The following PISD variants were observed in gnomAD, a reference collection of about 807,000 sequenced individuals.
PISD encodes the protein phosphatidylserine decarboxylase.
PISD carries 31 observed loss-of-function variants against 43.5 expected under a neutral mutation model. The observed-to-expected ratio is 0.71, with a 90% CI of 0.54 to 0.96. The LOEUF (loss-of-function observed/expected upper bound fraction) is 0.96, where lower values mean the gene tolerates loss of function less well. Ranked by LOEUF, PISD falls within the 40% of genes least tolerant of loss-of-function variation. The pLI is 0.00. For missense variants in PISD, 523 were observed against 548.4 expected (o/e 0.95, Z 0.46); for synonymous variants, 259 against 228.7 (o/e 1.13, Z -1.20).
intron 3 of PISD, among the ~76,000 whole-genome samples, chr22:31,644,237 T>G (rs2073819058): frequency 1.3e-5 from 2 of 149,848 alleles, no homozygotes; most frequent in South Asian, 2.1e-4. Context: ...AATTCATAAT[T>G]TTTTCTTTTT....
In PISD at chr22:31,628,869, T is replaced by A. The variant is rs970774080; in HGVS notation, c.322-6984A>T. On this transcript the variant is annotated intron_variant, in intron 3 of 7. Coordinates refer to ENST00000439502, the MANE Select transcript of PISD (RefSeq NM_001326411.2). ...ACACCTCACCTCTCTTTCCAAAAAG[T>A]CAACCTCACACTCCGGTGGGGGCAG... 1.1e-5 allele frequency: 11 copies of A among 985,186 alleles called. No homozygotes were observed. The African/African-American group carries it at 1.7e-4, about 16-fold the overall frequency. 61.0% of individuals were successfully genotyped at this position (985,186 alleles called of 1,614,324 possible). A position where few individuals can be genotyped will look rare whatever the true frequency, so the allele number is the denominator to read the frequency against.
At chr22:31,648,371 G>A (rs915132552) in intron 2 of PISD, 95 bp from the exon 3 acceptor site, 2 of 1,094,056 alleles carry the variant, frequency 1.8e-6, no homozygotes, top group African/African-American at 3.1e-5. Flanking sequence ...GGAAAAGTCA[G>A]CGCACCTCAG....
At chr22:31,640,353 A>G (rs1015640590) in intron 3 of PISD, among the ~76,000 whole-genome samples, 44 of 151,674 alleles carry the variant, frequency 2.9e-4, no homozygotes, top group Non-Finnish European at 2.7e-4. Context: ...CCATGCCACC[A>G]CACCGGTTGA....
intron 3 of PISD, among the ~76,000 whole-genome samples, chr22:31,634,891 G>A (rs2147717776): frequency 6.6e-6 from 1 of 151,354 alleles, no homozygotes. Flanking sequence ...TTTAGGCCTG[G>A]CACGGTGACT....
At chr22:31,650,582 G>A (rs1352557895) in intron 2 of PISD, 117 bp downstream of exon 2, 2 of 573,190 alleles carry the variant, frequency 3.5e-6, no homozygotes, top group Admixed American at 6.9e-5. Flanking sequence ...CTGCATGCCA[G>A]GTACTTTCCA....
intron 3 of PISD, among the ~76,000 whole-genome samples, 158 bp downstream of exon 3, chr22:31,647,943 A>T (rs565895875): frequency 6.6e-6 from 1 of 152,336 alleles, no homozygotes; most frequent in Non-Finnish European, 1.5e-5. Context: ...ACTTGACACC[A>T]AAGTTATAAC....
chr22:31,652,789 G>A (rs1601444011), intron 1 of PISD, among the ~76,000 whole-genome samples: 1 of 148,816 alleles, frequency 6.7e-6, no homozygotes, highest in Non-Finnish European at 1.5e-5. Context: ...CTATAATCCT[G>A]GCACTGTGGG....
rs554936958 is a variant in PISD at position 31,629,199 on chromosome 22, C to T, written c.322-7314G>A. The T allele has an allele frequency of 2.0e-4, 196 of 985,326 alleles. No individual in the cohort carries two copies. The African/African-American group carries it at 3.2e-3, about 16-fold the overall frequency. The allele number at this position is 985,326 out of a possible 1,614,324, so 61.0% of individuals were successfully genotyped here. A position where few individuals can be genotyped will look rare whatever the true frequency, so the allele number is the denominator to read the frequency against. ...ACCCCAGGCCAGGCAGCAGTTACTA[C>T]AGGTTGGGTTGGGGCCTGCAAGATT... On this transcript the variant is annotated intron_variant, in intron 3 of 7. Coordinates refer to ENST00000439502, the MANE Select transcript of PISD (RefSeq NM_001326411.2).
intron 3 of PISD, among the ~76,000 whole-genome samples, chr22:31,635,594 G>T (rs190074801): frequency 6.6e-6 from 1 of 152,154 alleles, no homozygotes; most frequent in Non-Finnish European, 1.5e-5. Context: ...ACCATGCCCC[G>T]CTGAGTTCCA....
At chr22:31,655,076 C>CAA (rs1038608958) in intron 1 of PISD, among the ~76,000 whole-genome samples, 1,119 of 56,936 alleles carry the variant, frequency 0.02, 16 homozygotes, top group African/African-American at 0.037. Context: ...ACTCTATCTC[C>CAA]AAAAAAAAAA....
intron 3 of PISD, among the ~76,000 whole-genome samples, chr22:31,640,256 T>A (rs1167583280): frequency 6.6e-6 from 1 of 150,604 alleles, no homozygotes; most frequent in Non-Finnish European, 1.5e-5. Context: ...TGGAGTGCAG[T>A]GGCACAATCT....
rs547314330 is a variant in PISD, at chr22:31,619,301, C to G, written c.*311G>C. ...AACCGAGACCAACTGAAGGTTCGGT[C>G]AGGAATGCAGGCTCTTCCGTCTATA... On this transcript the variant is annotated 3_prime_UTR_variant, in exon 8 of 8. Coordinates refer to ENST00000439502, the MANE Select transcript of PISD (RefSeq NM_001326411.2). 2 of 363,896 alleles carry G rather than the reference C, an allele frequency of 5.5e-6. No individual in the cohort carries two copies. The highest frequency in any genetic ancestry group is 1.1e-5 in the Non-Finnish European group (2 of 189,642). The allele number at this position is 363,896 out of a possible 1,614,324, so 22.5% of individuals were successfully genotyped here. A position where few individuals can be genotyped will look rare whatever the true frequency, so the allele number is the denominator to read the frequency against.
intron 3 of PISD, chr22:31,626,049 C>A: frequency 7.0e-7 from 1 of 1,423,168 alleles, no homozygotes; most frequent in Non-Finnish European, 9.2e-7. Flanking sequence ...GGTCACACAC[C>A]TGCTCAGGTC....
chr22:31,640,976 C>T (rs897606355), intron 3 of PISD, among the ~76,000 whole-genome samples: 14 of 144,142 alleles, frequency 9.7e-5, no homozygotes, highest in Admixed American at 9.6e-4. Flanking sequence ...CAACCTCCAC[C>T]TCCTGGGTTC....
chr22:31,645,264 T>C (rs2073850155), intron 3 of PISD, among the ~76,000 whole-genome samples: 1 of 151,898 alleles, frequency 6.6e-6, no homozygotes, highest in Non-Finnish European at 1.5e-5. Context: ...ATTAGCCAGG[T>C]AGGATGGTAC....
At chr22:31,628,097 A>G (rs2073006596) in intron 3 of PISD, 1 of 985,542 alleles carries the variant, frequency 1.0e-6, no homozygotes, top group Non-Finnish European at 1.2e-6. Context: ...CGCCGAGACC[A>G]GGGTGTCAGT....
chr22:31,633,608 A>G (rs1480448681), intron 3 of PISD, among the ~76,000 whole-genome samples: 2 of 152,118 alleles, frequency 1.3e-5, no homozygotes, highest in African/African-American at 4.8e-5. Flanking sequence ...CCAGCTACTC[A>G]GGAGGCTGAG....
intron 3 of PISD, chr22:31,623,677 C>T (rs762588576): frequency 1.2e-6 from 2 of 1,611,718 alleles, no homozygotes; most frequent in African/African-American, 1.3e-5. Context: ...GGCCTGTGCA[C>T]ACTTACCCTG....
At chr22:31,637,385 GTTTGTT>G (rs1220445280) in intron 3 of PISD, among the ~76,000 whole-genome samples, 2 of 150,574 alleles carry the variant, frequency 1.3e-5, no homozygotes, top group Non-Finnish European at 3.0e-5. Context: ...TGTGTTTTTT[GTTTGTT>G]TTTGTTTTTT....
Sources: allele counts gnomAD v4.1 joint callset (sites outside exome capture counted in the v4.1 genomes callset), GRCh38; gene constraint gnomAD v4.1.1; transcripts MANE v1.5; gene names NCBI Gene and HGNC (gene_info 2026-07-23, HGNC 2026-07-21).